KLHL29: variants seen among roughly 807,000 people sequenced by gnomAD.
KLHL29 encodes kelch like family member 29, also known as kelch-like protein 29.
Under a neutral mutation model 80.4 loss-of-function variants are expected in KLHL29, and 21 were observed. That is an observed-to-expected ratio of 0.26 (90% confidence interval 0.19 to 0.38). The LOEUF is 0.38. Ranked by LOEUF, KLHL29 falls within the 10% of genes least tolerant of loss-of-function variation. KLHL29 has a pLI of 1.00. For missense variants in KLHL29, 867 were observed against 1,223.9 expected, an observed-to-expected ratio of 0.71 and a Z score of 4.35; for synonymous variants, 511 against 526.8, an observed-to-expected ratio of 0.97 and a Z score of 0.41.
intron 3 of KLHL29, among the ~76,000 whole-genome samples, chr2:23,625,376 T>C (rs748542730): frequency 3.9e-5 from 6 of 152,176 alleles, no homozygotes; most frequent in Non-Finnish European, 8.8e-5. Flanking sequence ...TTAGAAGAAA[T>C]TAAAATGAAC....
chr2:23,529,567 C>T (rs1182478831), intron 2 of KLHL29, among the ~76,000 whole-genome samples: 2 of 152,146 alleles, frequency 1.3e-5, no homozygotes, highest in Non-Finnish European at 2.9e-5. Flanking sequence ...CCCACCTCAG[C>T]CCCTGTTGCC....
chr2:23,522,292 G>A (rs1465776280), intron 2 of KLHL29, among the ~76,000 whole-genome samples: 1 of 152,062 alleles, frequency 6.6e-6, no homozygotes, highest in East Asian at 1.9e-4. Context: ...TGGGACTATA[G>A]GCGTGTACCA....
At chr2:23,519,173 G>A (rs1190444629) in intron 2 of KLHL29, among the ~76,000 whole-genome samples, 1 of 152,134 alleles carries the variant, frequency 6.6e-6, no homozygotes, top group African/African-American at 2.4e-5. Context: ...ACCAAGCGGG[G>A]ACAGCCTCCC....
At chr2:23,476,670 C>A (rs1175849665) in intron 2 of KLHL29, among the ~76,000 whole-genome samples, 1 of 152,218 alleles carries the variant, frequency 6.6e-6, no homozygotes, top group East Asian at 1.9e-4. Context: ...TTAAATATTT[C>A]ACTATTACAA....
chr2:23,489,636 G>A (rs1665037817), intron 2 of KLHL29, among the ~76,000 whole-genome samples: 1 of 151,978 alleles, frequency 6.6e-6, no homozygotes, highest in Non-Finnish European at 1.5e-5. Context: ...CATGAAACAA[G>A]GCTCCACTCT....
intron 1 of KLHL29, among the ~76,000 whole-genome samples, chr2:23,471,707 A>G (rs890512138): frequency 2.0e-5 from 3 of 152,120 alleles, no homozygotes; most frequent in African/African-American, 2.4e-5. Context: ...CGTTTGATGA[A>G]ATTAGTGGAA....
At chr2:23,683,991 T>G (rs1671167192) in intron 5 of KLHL29, among the ~76,000 whole-genome samples, 1 of 152,220 alleles carries the variant, frequency 6.6e-6, no homozygotes, top group Non-Finnish European at 1.5e-5. Context: ...ATGCTTGACT[T>G]GGTCTCCAAT....
intron 1 of KLHL29, among the ~76,000 whole-genome samples, chr2:23,468,423 C>A (rs1412107763): frequency 6.6e-6 from 1 of 152,162 alleles, no homozygotes; most frequent in Non-Finnish European, 1.5e-5. Context: ...AGGGGACCAG[C>A]AAATCACGAA....
rs141855742 is a variant in KLHL29, at chr2:23,458,131, C to A, written c.-153-17429C>A. 3.6e-3 allele frequency among the ~76,000 whole-genome samples: 543 copies of A among 152,342 alleles called. 4 individuals carry two copies. Among genetic ancestry groups the A allele is most frequent in the African/African-American group, 0.013 (524 of 41,566 alleles). ...TCAGTGCACGTCTGCAGGTGGCCGG[C>A]GTTGCCCCAGAGAGGGCCCGTTTGA... On this transcript the variant is annotated intron_variant, in intron 1 of 13. Transcript: ENST00000486442.
intron 3 of KLHL29, among the ~76,000 whole-genome samples, chr2:23,633,220 C>T (rs1251789231): frequency 1.3e-5 from 2 of 152,158 alleles, no homozygotes; most frequent in East Asian, 3.9e-4. Context: ...TTCCCTGGGG[C>T]TCCTCAAGTT....
rs1396820358 is a variant in KLHL29, at chr2:23,682,660, TCGTGCTCCTGCACCCTCCCA to T, written c.941-1737_941-1718del. 6.6e-6 allele frequency among the ~76,000 whole-genome samples: 1 copy of T among 151,640 alleles called. No homozygotes were observed. The highest frequency in any genetic ancestry group is 1.5e-5 in the Non-Finnish European group (1 of 67,912). On this transcript the variant is annotated intron_variant, in intron 5 of 13. Coordinates refer to ENST00000486442, the MANE Select transcript of KLHL29 (RefSeq NM_052920.2). This position sits in a 1 kb window ranked among gnomAD's most constrained non-coding sequence, Gnocchi z 4.1. ...CTTTTGTCCACCTGCACCTGCCCCC[TCGTGCTCCTGCACCCTCCCA>T]CACCCTCCCGCACCCTCCCGCGCCC...
intron 3 of KLHL29, among the ~76,000 whole-genome samples, chr2:23,622,268 C>T (rs1669201768): frequency 6.6e-6 from 1 of 152,314 alleles, no homozygotes; most frequent in South Asian, 2.1e-4. Flanking sequence ...CAGCACAACA[C>T]ATCATCCCCT....
intron 3 of KLHL29, among the ~76,000 whole-genome samples, chr2:23,636,590 A>G (rs1669617116): frequency 6.6e-6 from 1 of 152,094 alleles, no homozygotes; most frequent in Admixed American, 6.5e-5. Flanking sequence ...AGCTGTTCAT[A>G]TATTGAGTCC....
chr2:23,553,636 C>G (rs941427331), intron 2 of KLHL29, among the ~76,000 whole-genome samples: 4 of 152,218 alleles, frequency 2.6e-5, no homozygotes, highest in Non-Finnish European at 5.9e-5. Flanking sequence ...AAGGACTCAT[C>G]TCTTTCAGGG....
At chr2:23,703,497 TA>T in intron 12 of KLHL29, 118 bp downstream of exon 12, 1 of 1,090,058 alleles carries the variant, frequency 9.2e-7, no homozygotes, top group Non-Finnish European at 1.3e-6. Flanking sequence ...GACCCAGATC[TA>T]GAGGGTGGCA....
chr2:23,531,621 A>C (rs1178176159), intron 2 of KLHL29, among the ~76,000 whole-genome samples: 2 of 152,088 alleles, frequency 1.3e-5, no homozygotes, highest in Non-Finnish European at 2.9e-5. Flanking sequence ...AAGCTTAATA[A>C]AAGGCCAGAT....
chr2:23,608,352 G>T (rs1668779438), intron 3 of KLHL29, among the ~76,000 whole-genome samples: 1 of 152,134 alleles, frequency 6.6e-6, no homozygotes, highest in South Asian at 2.1e-4. Context: ...GAGGTCTCTT[G>T]CCTGTTGCCC....
intron 11 of KLHL29, among the ~76,000 whole-genome samples, chr2:23,699,816 T>G (rs1672253101): frequency 6.6e-6 from 1 of 152,194 alleles, no homozygotes; most frequent in Non-Finnish European, 1.5e-5. Flanking sequence ...AGGCAGCCTT[T>G]CTGGGTTTCC....
At chr2:23,640,829 C>T (rs757733931) in intron 4 of KLHL29, among the ~76,000 whole-genome samples, 4 of 152,212 alleles carry the variant, frequency 2.6e-5, no homozygotes, top group Non-Finnish European at 4.4e-5. Context: ...GGCCTCGTAC[C>T]GTGGTCTATG....
Sources: gnomAD v4.1 joint callset for allele counts (sites outside exome capture counted in the v4.1 genomes callset) on GRCh38, gnomAD v4.1.1 for gene constraint, Gnocchi (gnomAD v3.1) non-coding constraint, MANE v1.5 for transcripts, NCBI Gene and HGNC (gene_info 2026-07-23, HGNC 2026-07-21) for gene names.